The following UCHL3 variants were observed in gnomAD, a reference collection of about 807,000 sequenced individuals.
UCHL3 encodes ubiquitin C-terminal hydrolase L3.
A neutral mutation model predicts 35.8 loss-of-function variants in UCHL3; 22 were observed. That is an observed-to-expected ratio of 0.61 (90% CI 0.44 to 0.88). The LOEUF (loss-of-function observed/expected upper bound fraction) is 0.88, where lower values mean the gene tolerates loss of function less well. UCHL3 is among the 40% of genes least tolerant of loss of function. The pLI is 0.00. For synonymous variants in UCHL3, 90 were observed against 92.8 expected (o/e 0.97, Z 0.17); for missense variants, 229 against 276.9 (o/e 0.83, Z 1.23).
At chr13:75,593,125 C>T (rs1007239609) in intron 6 of UCHL3, among the ~76,000 whole-genome samples, 1 of 152,046 alleles carries the variant, frequency 6.6e-6, no homozygotes, top group Non-Finnish European at 1.5e-5. Flanking sequence ...TTTATGAAAG[C>T]ATAAAGTTTA....
At chr13:75,604,010 A>G (rs927866679) in intron 7 of UCHL3, among the ~76,000 whole-genome samples, 13 of 152,148 alleles carry the variant, frequency 8.5e-5, no homozygotes, top group Non-Finnish European at 1.5e-4. Context: ...AAAAAAATCT[A>G]ACAACCAAGT....
rs532073619 is a variant in UCHL3, at chr13:75,605,988, C to T, written c.*176C>T. The T allele has an allele frequency of 1.1e-5, 6 of 553,856 alleles. No individual in the cohort carries two copies. The South Asian group carries it at 1.7e-4, about 16-fold the overall frequency. The allele number at this position is 553,856 out of a possible 1,614,324, so 34.3% of individuals were successfully genotyped here. On this transcript the variant is annotated 3_prime_UTR_variant, in exon 9 of 9. Coordinates refer to ENST00000377595, the MANE Select transcript of UCHL3 (RefSeq NM_006002.5). ...TTTGCTCCAGGTTAAAGGTGCAATG[C>T]TTTCCTCCTCTTTTCTTGTGAAGGA...
Position 75,560,179 on chromosome 13 carries a change from A to AATCT in UCHL3, c.55-569_55-566dup, listed in dbSNP as rs576110769. 1.4e-3 allele frequency among the ~76,000 whole-genome samples: 210 copies of AATCT among 152,300 alleles called. 1 individual carries two copies. The highest frequency in any genetic ancestry group is 1.7e-3 in the Non-Finnish European group (115 of 68,004). On this transcript the variant is annotated intron_variant, in intron 2 of 8. Coordinates refer to ENST00000377595, the MANE Select transcript of UCHL3 (RefSeq NM_006002.5). ...CTCATTGATACAATTCATGGCTATC[A>AATCT]ATCTATCTTTAAACCTCAGACATCA...
intron 6 of UCHL3, among the ~76,000 whole-genome samples, chr13:75,584,166 C>T (rs988327726): frequency 7.9e-5 from 12 of 152,048 alleles, no homozygotes; most frequent in African/African-American, 2.9e-4. Flanking sequence ...GGAAAAGACC[C>T]CTGAGAAAGT....
rs550058570 is a variant in UCHL3, at chr13:75,605,900, A to G, written c.*88A>G. 7.8e-7 allele frequency: 1 copy of G among 1,285,294 alleles called. No homozygotes were observed. Among genetic ancestry groups the G allele is most frequent in the Admixed American group, 1.9e-5 (1 of 51,864 alleles). The allele number at this position is 1,285,294 out of a possible 1,614,324, so 79.6% of individuals were successfully genotyped here. ...CTAACTCAAAAATTTTGATATTTTC[A>G]TTAACTTGATGATTAAACTTTATGT... On this transcript the variant is annotated 3_prime_UTR_variant, in exon 9 of 9. Coordinates refer to ENST00000377595, the MANE Select transcript of UCHL3 (RefSeq NM_006002.5).
chr13:75,553,927 T>C (rs2031202814), intron 2 of UCHL3, among the ~76,000 whole-genome samples: 1 of 152,244 alleles, frequency 6.6e-6, no homozygotes, highest in African/African-American at 2.4e-5. Context: ...TTCTTTCAGA[T>C]TGCCATTCCA....
chr13:75,571,476 C>T (rs1184565846), intron 6 of UCHL3, among the ~76,000 whole-genome samples: 1 of 152,150 alleles, frequency 6.6e-6, no homozygotes, highest in Non-Finnish European at 1.5e-5. Flanking sequence ...TTTTTCTTCC[C>T]TTTATTGTTT....
At chr13:75,593,459 A>G (rs758880387) in intron 6 of UCHL3, among the ~76,000 whole-genome samples, 21 of 152,210 alleles carry the variant, frequency 1.4e-4, no homozygotes, top group Admixed American at 5.2e-4. Context: ...GATGGAAAAT[A>G]CAAGGAGACA....
intron 5 of UCHL3, among the ~76,000 whole-genome samples, chr13:75,568,720 C>CTAAA (rs1451936484): frequency 6.6e-6 from 1 of 151,808 alleles, no homozygotes; most frequent in Non-Finnish European, 1.5e-5. Context: ...ATCATTGTAG[C>CTAAA]TAAATCTTTG....
rs1478671779 is a variant in UCHL3, at chr13:75,549,963, G to C, written c.43-13G>C. The C allele has an allele frequency of 2.5e-6, 4 of 1,614,140 alleles. No individual in the cohort carries two copies. In the East Asian group the frequency reaches 8.9e-5, roughly 36 times the overall value. On this transcript the variant is annotated splice_polypyrimidine_tract_variant and intron_variant, in intron 1 of 8. Coordinates refer to ENST00000377595, the MANE Select transcript of UCHL3 (RefSeq NM_006002.5). ...GGTTTGTCTCTAAAGCGTGTTCTCT[G>C]TTTCGTTTTCAGGTCACCAACCAGG...
chr13:75,569,645 A>G (rs1014120665), intron 6 of UCHL3, 138 bp downstream of exon 6: 1 of 774,538 alleles, frequency 1.3e-6, no homozygotes, highest in African/African-American at 1.8e-5. Context: ...CCTTTGAGAG[A>G]ATTTGCTTAA....
intron 6 of UCHL3, among the ~76,000 whole-genome samples, chr13:75,576,504 G>A (rs1010826241): frequency 3.9e-5 from 6 of 151,910 alleles, no homozygotes; most frequent in Non-Finnish European, 8.8e-5. Flanking sequence ...ACAGGCGCGT[G>A]CCACCACACC....
chr13:75,549,939 G>A (rs759227367), intron 1 of UCHL3, 37 bp from the exon 2 acceptor site: 1 of 1,614,118 alleles, frequency 6.2e-7, no homozygotes, highest in Non-Finnish European at 8.5e-7. Context: ...GTCCACGGTG[G>A]TTTGTCTCTA....
chr13:75,583,527 T>A (rs182159913), intron 6 of UCHL3, among the ~76,000 whole-genome samples: 6 of 152,336 alleles, frequency 3.9e-5, no homozygotes, highest in African/African-American at 1.4e-4. Context: ...CTGTAGCATC[T>A]ATAGTTTAGA....
At chr13:75,561,385 G>A (rs571387230) in intron 3 of UCHL3, among the ~76,000 whole-genome samples, 1 of 152,138 alleles carries the variant, frequency 6.6e-6, no homozygotes, top group Admixed American at 6.5e-5. Context: ...CTATTTTGAT[G>A]ACAGTAAAGT....
intron 7 of UCHL3, among the ~76,000 whole-genome samples, chr13:75,602,988 GTTA>G (rs2032818694): frequency 6.6e-6 from 1 of 151,726 alleles, no homozygotes; most frequent in African/African-American, 2.4e-5. Context: ...ATTTTATTAT[GTTA>G]TTATTTTATT....
chr13:75,550,988 T>C (rs2031084168), intron 2 of UCHL3, among the ~76,000 whole-genome samples: 1 of 152,236 alleles, frequency 6.6e-6, no homozygotes, highest in African/African-American at 2.4e-5. Context: ...AAATGTTTTT[T>C]AAATCAGGCT....
At chr13:75,567,754 G>A (rs2031730258) in intron 5 of UCHL3, among the ~76,000 whole-genome samples, 1 of 152,002 alleles carries the variant, frequency 6.6e-6, no homozygotes, top group Non-Finnish European at 1.5e-5. Flanking sequence ...TGCCATGTTG[G>A]TCAGGCTGGT....
At chr13:75,565,543 G>T (rs781329408) in intron 3 of UCHL3, among the ~76,000 whole-genome samples, 4 of 152,168 alleles carry the variant, frequency 2.6e-5, no homozygotes, top group Non-Finnish European at 5.9e-5. Context: ...TCAGGAAAAT[G>T]TTTCTGTAAA....
Sources: allele counts gnomAD v4.1 joint callset (sites outside exome capture counted in the v4.1 genomes callset), GRCh38; gene constraint gnomAD v4.1.1; transcripts MANE v1.5; gene names NCBI Gene and HGNC (gene_info 2026-07-23, HGNC 2026-07-21).